The following PCDHGB2 variants were observed in gnomAD, a reference collection of about 807,000 sequenced individuals.
The protein encoded by PCDHGB2 is protocadherin gamma-B2.
PCDHGB2 carries 55 observed loss-of-function variants against 59.3 expected under a neutral mutation model. That is an observed-to-expected ratio of 0.93 (90% CI 0.75 to 1.16). The LOEUF (loss-of-function observed/expected upper bound fraction) is 1.16. PCDHGB2 is among the 50% of genes most tolerant of loss of function. PCDHGB2 has a pLI of 0.00. For missense variants in PCDHGB2, 1,228 were observed against 1,198.5 expected (o/e 1.02, Z -0.36); for synonymous variants, 516 against 512.0 (o/e 1.01, Z -0.11).
At chr5:141,478,444 T>C (rs1190996745) in intron 1 of PCDHGB2, 1 of 1,613,478 alleles carries the variant, frequency 6.2e-7, no homozygotes, top group Non-Finnish European at 8.5e-7. Flanking sequence ...TGAAGAAACC[T>C]GGTGCAGCCA....
intron 1 of PCDHGB2, among the ~76,000 whole-genome samples, chr5:141,426,098 A>T (rs144349682): frequency 6.6e-6 from 1 of 152,356 alleles, no homozygotes; most frequent in Non-Finnish European, 1.5e-5. Flanking sequence ...TATTCTGTTC[A>T]GTCACAGAAG....
Position 141,489,999 on chromosome 5 carries a change from GA to G in PCDHGB2, c.2422-4806del. On this transcript the variant is annotated intron_variant, in intron 1 of 3. Transcript: ENST00000522605. The surrounding 1 kb of genome is among the most constrained non-coding windows in gnomAD (Gnocchi z 4.5). ...CAGTTCTACGTGTGGGAATCCCAGA[GA>G]ATGCACCCATTGGTACTCTGCTGCT... 1 of 1,614,242 alleles carries G rather than the reference GA, an allele frequency of 6.2e-7. No individual in the cohort carries two copies. Among genetic ancestry groups the G allele is most frequent in the Non-Finnish European group, 8.5e-7 (1 of 1,180,032 alleles).
intron 1 of PCDHGB2, chr5:141,410,390 G>A: frequency 6.2e-7 from 1 of 1,614,012 alleles, no homozygotes; most frequent in South Asian, 1.1e-5. Flanking sequence ...CTTCCATCCT[G>A]GTCTCTGTGT....
chr5:141,408,295 G>A (rs1185231517), intron 1 of PCDHGB2: 8 of 1,613,700 alleles, frequency 5.0e-6, no homozygotes, highest in East Asian at 2.2e-5. Flanking sequence ...CCCTGAGTGA[G>A]CCGATCCGCT....
In PCDHGB2 at chr5:141,384,438, C is replaced by G. The variant is rs758290868; in HGVS notation, c.2421+21882C>G. The G allele has an allele frequency of 4.6e-5, 74 of 1,613,902 alleles. No homozygotes were observed. In the South Asian group the frequency reaches 7.5e-4, roughly 16 times the overall value. Reference sequence around the variant, plus strand: ...TCTCCATAAACTCTGACACTGGAGTCCTGTACGCGCTGCAATCCTTTGATT... The same window carrying G: ...TCTCCATAAACTCTGACACTGGAGTGCTGTACGCGCTGCAATCCTTTGATT... On this transcript the variant is annotated intron_variant, in intron 1 of 3. Coordinates refer to ENST00000522605, the MANE Select transcript of PCDHGB2 (RefSeq NM_018923.3).
chr5:141,364,406 C>A, intron 1 of PCDHGB2: 1 of 1,609,568 alleles, frequency 6.2e-7, no homozygotes, highest in East Asian at 2.2e-5. Context: ...GCTGTGCGAG[C>A]CAGGATCCGG....
At chr5:141,390,299 A>G in intron 1 of PCDHGB2, 1 of 1,613,858 alleles carries the variant, frequency 6.2e-7, no homozygotes, top group Non-Finnish European at 8.5e-7. Context: ...TCCTTTAAGT[A>G]TAATTTAATG....
At chr5:141,415,114 G>C (rs186848544) in intron 1 of PCDHGB2, 1 of 1,613,648 alleles carries the variant, frequency 6.2e-7, no homozygotes, top group Non-Finnish European at 8.5e-7. Flanking sequence ...GCAAAGCCTC[G>C]TAGTGGCCGT....
chr5:141,395,115 C>T (rs1380601635), intron 1 of PCDHGB2: 1 of 1,614,192 alleles, frequency 6.2e-7, no homozygotes. Context: ...GAAGAGTCAC[C>T]TGATCTTTCC....
In PCDHGB2 at chr5:141,421,903, G is replaced by T. The variant is rs757656265; in HGVS notation, c.2421+59347G>T. 2.5e-6 allele frequency: 4 copies of T among 1,613,704 alleles called. No homozygotes were observed. In the East Asian group the frequency reaches 6.7e-5, roughly 27 times the overall value. ...TGGAGGCGATCCCATCCGAAAGGGCGCAGTTCCCATTCGTGTGGTGGTCCT... is the reference window on the plus strand; with the variant it reads ...TGGAGGCGATCCCATCCGAAAGGGCTCAGTTCCCATTCGTGTGGTGGTCCT... On this transcript the variant is annotated intron_variant, in intron 1 of 3. Transcript: ENST00000522605.
rs200317374 is a variant in PCDHGB2, at chr5:141,408,395, A to C, written c.2421+45839A>C. 29 of 1,613,856 alleles carry C rather than the reference A, an allele frequency of 1.8e-5. No homozygotes were observed. The South Asian group carries it at 3.0e-4, about 16-fold the overall frequency. On this transcript the variant is annotated intron_variant, in intron 1 of 3. Transcript: ENST00000522605. ...CAGTGTCCTGGATGTGTCGGCTCGC[A>C]AGCTGCGAGTGAGCGCGGAGAAGCT...
chr5:141,413,567 A>G (rs950241336), intron 1 of PCDHGB2: 2 of 1,613,936 alleles, frequency 1.2e-6, no homozygotes, highest in Admixed American at 1.7e-5. Context: ...ACTGATATCA[A>G]TGACAATGCT....
intron 1 of PCDHGB2, chr5:141,376,578 A>C: frequency 6.3e-6 from 10 of 1,590,844 alleles, no homozygotes; most frequent in Non-Finnish European, 8.6e-6. Flanking sequence ...AGACAGGCTC[A>C]TCAGCTAGAT....
At chr5:141,405,169 CTT>C (rs1561698717) in intron 1 of PCDHGB2, 2 of 1,614,122 alleles carry the variant, frequency 1.2e-6, no homozygotes, top group Non-Finnish European at 1.7e-6. Flanking sequence ...CCACCTCACA[CTT>C]TGTGGGTGTA....
intron 1 of PCDHGB2, chr5:141,364,370 C>G: frequency 6.4e-7 from 1 of 1,570,908 alleles, no homozygotes; most frequent in South Asian, 1.2e-5. Flanking sequence ...CGGAGAGCTG[C>G]TGCTGCCCTT....
At chr5:141,437,188 G>T (rs1303844523) in intron 1 of PCDHGB2, among the ~76,000 whole-genome samples, 1 of 152,146 alleles carries the variant, frequency 6.6e-6, no homozygotes, top group Non-Finnish European at 1.5e-5. Context: ...CTGGGCAATG[G>T]GTTTGGATGT....
rs1391608601 is a variant in PCDHGB2 at position 141,511,893 on chromosome 5, A to G, written c.*720A>G. The G allele has an allele frequency of 6.4e-6, 1 of 155,062 alleles. No homozygotes were observed. Among genetic ancestry groups the G allele is most frequent in the East Asian group, 1.9e-4 (1 of 5,240 alleles). 9.6% of individuals were successfully genotyped at this position (155,062 alleles called of 1,614,324 possible). A position where few individuals can be genotyped will look rare whatever the true frequency, so the allele number is the denominator to read the frequency against. On this transcript the variant is annotated 3_prime_UTR_variant, in exon 4 of 4. Transcript: ENST00000522605. ...TCCACTGCATGCCTTGACTTCCCCC[A>G]CCTCCTCCTCAAACAAGAGACTCCA...
At chr5:141,413,020 C>T in intron 1 of PCDHGB2, 1 of 693,768 alleles carries the variant, frequency 1.4e-6, no homozygotes, top group Non-Finnish European at 2.3e-6. Context: ...CTACACAAGC[C>T]CCACAAACCG....
chr5:141,389,533 T>C (rs2091811622), intron 1 of PCDHGB2: 4 of 1,613,216 alleles, frequency 2.5e-6, no homozygotes, highest in South Asian at 2.2e-5. Flanking sequence ...CGCGTGTTAG[T>C]GGACGACCGC....
Sources: allele counts gnomAD v4.1 joint callset (sites outside exome capture counted in the v4.1 genomes callset), GRCh38; gene constraint gnomAD v4.1.1; non-coding constraint Gnocchi (gnomAD v3.1); transcripts MANE v1.5; gene names NCBI Gene and HGNC (gene_info 2026-07-23, HGNC 2026-07-21).